PLEKHO2: variants seen among roughly 807,000 people sequenced by gnomAD.
The protein encoded by PLEKHO2 is pleckstrin homology domain containing O2, also known as pleckstrin homology domain-containing family O member 2.
PLEKHO2 carries 20 observed loss-of-function variants against 32.7 expected under a neutral mutation model. That is an observed-to-expected ratio of 0.61 (90% CI 0.43 to 0.89). PLEKHO2 has a LOEUF of 0.89. PLEKHO2 is among the 40% of genes least tolerant of loss of function. The pLI is 0.00. For missense variants in PLEKHO2, 568 were observed against 621.2 expected (o/e 0.91, Z 0.91); for synonymous variants, 247 against 246.3 (o/e 1.00, Z -0.03).
chr15:64,844,360 G>A (rs963608765), intron 1 of PLEKHO2, among the ~76,000 whole-genome samples: 3 of 152,188 alleles, frequency 2.0e-5, no homozygotes, highest in African/African-American at 7.2e-5. Flanking sequence ...TCCTGGCCTC[G>A]GTTCCTCCTT....
At chr15:64,851,250 G>A (rs1364456824) in intron 2 of PLEKHO2, among the ~76,000 whole-genome samples, 1 of 152,126 alleles carries the variant, frequency 6.6e-6, no homozygotes, top group South Asian at 2.1e-4. Flanking sequence ...GCAGCAGGGG[G>A]ACCTTTTTTC....
intron 2 of PLEKHO2, among the ~76,000 whole-genome samples, chr15:64,851,267 AG>A (rs1229487149): frequency 9.2e-5 from 14 of 152,110 alleles, no homozygotes; most frequent in Non-Finnish European, 2.1e-4. Context: ...TTTCCAATAA[AG>A]GGGGTTGTCA....
intron 4 of PLEKHO2, 81 bp from the exon 5 acceptor site, chr15:64,861,396 G>C (rs832885): frequency 0.23 from 246,120 of 1,077,570 alleles, 41,313 homozygotes; most frequent in East Asian, 0.79. Context: ...ACTGACCCTG[G>C]CTCTGAGCCA....
At chr15:64,856,777 C>A (rs922143266) in intron 3 of PLEKHO2, among the ~76,000 whole-genome samples, 3 of 152,178 alleles carry the variant, frequency 2.0e-5, no homozygotes, top group African/African-American at 7.2e-5. Flanking sequence ...GGAGCTCACA[C>A]AGATTGGGGC....
intron 2 of PLEKHO2, among the ~76,000 whole-genome samples, chr15:64,850,370 T>G (rs1193455307): frequency 1.3e-5 from 2 of 152,208 alleles, no homozygotes; most frequent in Non-Finnish European, 2.9e-5. Context: ...TCCAGCGTGC[T>G]TTCTACCAAG....
chr15:64,861,432 T>C, intron 4 of PLEKHO2, 45 bp from the exon 5 acceptor site: 1 of 1,470,114 alleles, frequency 6.8e-7, no homozygotes, highest in Non-Finnish European at 9.2e-7. Flanking sequence ...CTTCCCACAC[T>C]CCCCAAGGCT....
chr15:64,867,753 G>A lies in PLEKHO2; in HGVS notation c.*1865G>A, dbSNP rs2084699986. ...GCCCAGCCACTCTCCCTGGGGCCTG[G>A]TGGGTAGGCAAGTAGCTCTGGGGCC... On this transcript the variant is annotated 3_prime_UTR_variant, in exon 6 of 6. Transcript: ENST00000323544. The A allele has an allele frequency of 3.3e-5, 5 of 152,278 alleles. No homozygotes were observed. In the South Asian group the frequency reaches 1.0e-3, roughly 32 times the overall value. The allele number at this position is 152,278 out of a possible 1,614,324, so 9.4% of individuals were successfully genotyped here. A position where few individuals can be genotyped will look rare whatever the true frequency, so the allele number is the denominator to read the frequency against.
Position 64,864,831 on chromosome 15 carries a change from T to G in PLEKHO2, c.484-68T>G, listed in dbSNP as rs1167193913. 7.3e-6 allele frequency: 11 copies of G among 1,504,420 alleles called. No homozygotes were observed. The Admixed American group carries it at 2.0e-4, about 27-fold the overall frequency. 93.2% of individuals were successfully genotyped at this position (1,504,420 alleles called of 1,614,324 possible). A position where few individuals can be genotyped will look rare whatever the true frequency, so the allele number is the denominator to read the frequency against. On this transcript the variant is annotated intron_variant, in intron 5 of 5. Coordinates refer to ENST00000323544, the MANE Select transcript of PLEKHO2 (RefSeq NM_025201.5). ...GGATGGGAGAGGGTAAGAACTCGTG[T>G]CAGTGGGCACACCTGACCCAATGGC...
rs372433168 is a variant in PLEKHO2 at position 64,865,284 on chromosome 15, C to T, written c.869C>T (p.Pro290Leu). The change falls in exon 6 of 6, where the codon CCG becomes CTG. Residue 290 changes from proline to leucine, a missense_variant. Transcript: ENST00000323544. Reference protein sequence around the residue: ...QEAPAAESAEPSQAPCSETSE... With the variant: ...QEAPAAESAELSQAPCSETSE... ...GCCCCTGCTGCAGAGAGTGCAGAAC[C>T]GTCCCAGGCACCCTGTTCTGAGACT... 53 of 1,613,684 alleles carry T rather than the reference C, an allele frequency of 3.3e-5. No homozygotes were observed. The African/African-American group carries it at 3.5e-4, about 11-fold the overall frequency.
intron 5 of PLEKHO2, 65 bp downstream of exon 5, chr15:64,861,640 G>T (rs1359208809): frequency 1.0e-5 from 14 of 1,365,194 alleles, no homozygotes; most frequent in Non-Finnish European, 1.4e-5. Flanking sequence ...CCTCTGGGCG[G>T]CAGCCAGGCT....
rs1447576870 is a variant in PLEKHO2 at position 64,861,557 on chromosome 15, G to A, written c.465G>A (p.Thr155=). The change falls in exon 5 of 6, where the codon ACG becomes ACA. Residue 155 remains threonine (T), a synonymous_variant. Transcript: ENST00000323544. ...GGGGCCAGCGACGCCGGCCACCAAC[G>A]AGAGTCCACCTGAAGGAGGTAGGGC... ...VRGGQRRRPP[T]RVHLKEVASA... 3.1e-6 allele frequency: 5 copies of A among 1,605,762 alleles called. No homozygotes were observed. In the South Asian group the frequency reaches 3.4e-5, roughly 11 times the overall value.
At position 64,865,316 on chromosome 15, in the gene PLEKHO2, G is replaced by C. The variant is rs2084673837; in HGVS notation, c.901G>C (p.Ala301Pro). Residue 301 changes from alanine to proline, a missense_variant, in exon 6 of 6, where the codon GCT (alanine) becomes CCT (proline). Transcript: ENST00000323544. ...SQAPCSETSE[A>P]APREGGKPPT... Reference sequence around the variant, plus strand: ...GGCACCCTGTTCTGAGACTTCTGAGGCTGCCCCCAGGGAGGGTGGGAAGCC... The same window carrying C: ...GGCACCCTGTTCTGAGACTTCTGAGCCTGCCCCCAGGGAGGGTGGGAAGCC... 6.2e-7 allele frequency: 1 copy of C among 1,613,702 alleles called. No individual in the cohort carries two copies. Among genetic ancestry groups the C allele is most frequent in the Non-Finnish European group, 8.5e-7 (1 of 1,179,726 alleles).
chr15:64,860,999 T>G (rs1282415326), intron 4 of PLEKHO2, among the ~76,000 whole-genome samples: 1 of 152,236 alleles, frequency 6.6e-6, no homozygotes, highest in African/African-American at 2.4e-5. Flanking sequence ...TGACCCCTTC[T>G]GTTACCCTCA....
chr15:64,857,407 C>T (rs1430746889), intron 3 of PLEKHO2, among the ~76,000 whole-genome samples: 1 of 152,190 alleles, frequency 6.6e-6, no homozygotes, highest in African/African-American at 2.4e-5. Flanking sequence ...ATTATCTCAG[C>T]TTGCTGCAAC....
chr15:64,866,068 A>C lies in PLEKHO2; in HGVS notation c.*180A>C. 1 of 845,022 alleles carries C rather than the reference A, an allele frequency of 1.2e-6. No individual in the cohort carries two copies. Among genetic ancestry groups the C allele is most frequent in the Non-Finnish European group, 1.8e-6 (1 of 561,434 alleles). 52.3% of individuals were successfully genotyped at this position (845,022 alleles called of 1,614,324 possible). A position where few individuals can be genotyped will look rare whatever the true frequency, so the allele number is the denominator to read the frequency against. On this transcript the variant is annotated 3_prime_UTR_variant, in exon 6 of 6. Transcript: ENST00000323544. ...GCGTCCTTCCTACTCTGCTCTGGCCAGTGGTGCCAGGTGCCACCCAGGGCT... is the reference window on the plus strand; with the variant it reads ...GCGTCCTTCCTACTCTGCTCTGGCCCGTGGTGCCAGGTGCCACCCAGGGCT...
intron 2 of PLEKHO2, among the ~76,000 whole-genome samples, chr15:64,850,556 G>A (rs1384000031): frequency 6.6e-6 from 1 of 152,204 alleles, no homozygotes; most frequent in Non-Finnish European, 1.5e-5. Flanking sequence ...ATGCACAGGG[G>A]TAAAGAGGCA....
rs148450625 is a variant in PLEKHO2, at chr15:64,865,556, C to G, written c.1141C>G (p.Pro381Ala). Residue 381 changes from proline (P) to alanine (A), a missense_variant, in exon 6 of 6, where the codon CCA becomes GCA. Transcript: ENST00000323544. ...TSTALPPWDL[P>A]PQFHPRCSSL... ...CACAGCACTGCCCCCCTGGGACCTG[C>G]CACCTCAGTTCCATCCCCGCTGCTC... 303 of 1,614,060 alleles carry G rather than the reference C, an allele frequency of 1.9e-4. 2 individuals are homozygous for G. Among genetic ancestry groups the G allele is most frequent in the Non-Finnish European group, 5.0e-5 (59 of 1,180,030 alleles).
chr15:64,861,097 G>A (rs1194914982), intron 4 of PLEKHO2, among the ~76,000 whole-genome samples: 3 of 152,258 alleles, frequency 2.0e-5, no homozygotes. Context: ...TCCTGGGAGG[G>A]TGGCAGAGGC....
At chr15:64,847,249 G>T (rs1488004771) in intron 1 of PLEKHO2, among the ~76,000 whole-genome samples, 3 of 152,210 alleles carry the variant, frequency 2.0e-5, no homozygotes, top group Non-Finnish European at 4.4e-5. Context: ...GCTTACATCT[G>T]TCTGGGCTTG....
Sources: allele counts gnomAD v4.1 joint callset (sites outside exome capture counted in the v4.1 genomes callset), GRCh38; gene constraint gnomAD v4.1.1; transcripts MANE v1.5; gene names NCBI Gene and HGNC (gene_info 2026-07-23, HGNC 2026-07-21).